Variants in CUL2 observed in about 807,000 individuals in gnomAD.
CUL2 encodes the protein cullin-2.
Under a neutral mutation model 110.2 loss-of-function variants are expected in CUL2, and 22 were observed. The ratio of observed to expected loss-of-function variants is 0.20; its 90% CI spans 0.14 to 0.28. CUL2 has a LOEUF of 0.28. CUL2 is among the 10% of genes least tolerant of loss of function. The probability of loss-of-function intolerance (pLI) is 1.00; values close to 1 mark genes in which losing one functional copy is unlikely to be tolerated. For synonymous variants in CUL2, 279 were observed against 293.2 expected, an observed-to-expected ratio of 0.95 and a Z score of 0.49; for missense variants, 631 against 905.5, an observed-to-expected ratio of 0.70 and a Z score of 3.89.
intron 14 of CUL2, among the ~76,000 whole-genome samples, chr10:35,030,050 C>A (rs2085442551): frequency 6.6e-6 from 1 of 152,142 alleles, no homozygotes; most frequent in Admixed American, 6.5e-5. Context: ...TTCATTGGAG[C>A]CATCATGGTG....
intron 1 of CUL2, among the ~76,000 whole-genome samples, chr10:35,125,625 T>C (rs1404884558): frequency 6.6e-6 from 1 of 152,236 alleles, no homozygotes. Flanking sequence ...TCTTAGAAAC[T>C]GGTTTTCAGT....
chr10:35,103,586 G>A (rs2087416654), intron 1 of CUL2, among the ~76,000 whole-genome samples: 1 of 151,964 alleles, frequency 6.6e-6, no homozygotes, highest in South Asian at 2.1e-4. Context: ...GCCTCCCAAA[G>A]TGCTGGGATT....
At chr10:35,037,293 C>T (rs143142909) in intron 9 of CUL2, among the ~76,000 whole-genome samples, 1 of 152,322 alleles carries the variant, frequency 6.6e-6, no homozygotes, top group Non-Finnish European at 1.5e-5. Flanking sequence ...CTTTTACCTG[C>T]CGCTCTGCAG....
chr10:35,030,313 T>C (rs1319152369), intron 14 of CUL2, among the ~76,000 whole-genome samples: 4 of 152,242 alleles, frequency 2.6e-5, no homozygotes, highest in African/African-American at 9.6e-5. Flanking sequence ...CAAAATTCTG[T>C]TGTTACCAGG....
At chr10:35,080,459 T>TTATG (rs1024859961) in intron 1 of CUL2, among the ~76,000 whole-genome samples, 9 of 148,928 alleles carry the variant, frequency 6.0e-5, no homozygotes, top group Middle Eastern at 3.4e-3. Flanking sequence ...ATTTATTTAT[T>TTATG]TATTTATTTA....
At chr10:35,098,224 A>G (rs1462459474) in intron 2 of CUL2, 1 of 152,214 alleles carries the variant, frequency 6.6e-6, no homozygotes, top group Non-Finnish European at 1.5e-5. Flanking sequence ...AGGTAATTTA[A>G]TAAGCTAAAA....
chr10:35,018,671 G>A (rs1377821656), intron 17 of CUL2, among the ~76,000 whole-genome samples: 2 of 149,862 alleles, frequency 1.3e-5, no homozygotes, highest in African/African-American at 4.9e-5. Flanking sequence ...GCTGAGGCAG[G>A]AGAATGGCTT....
chr10:35,117,528 CTTTT>C (rs5784440), intron 1 of CUL2, among the ~76,000 whole-genome samples: 4 of 138,330 alleles, frequency 2.9e-5, no homozygotes, highest in African/African-American at 5.3e-5. Context: ...CTGCAACTGG[CTTTT>C]TTTTTTTTTT....
At chr10:35,106,531 A>G (rs1225476518) in intron 1 of CUL2, among the ~76,000 whole-genome samples, 2 of 147,138 alleles carry the variant, frequency 1.4e-5, no homozygotes, top group East Asian at 4.0e-4. Flanking sequence ...ATGAGGTTTC[A>G]CCGTGTTAGC....
At chr10:35,115,154 C>T (rs924205087) in intron 1 of CUL2, among the ~76,000 whole-genome samples, 2 of 149,744 alleles carry the variant, frequency 1.3e-5, no homozygotes, top group Non-Finnish European at 3.0e-5. Flanking sequence ...AGGAGATTCT[C>T]TTGAACCCAG....
intron 1 of CUL2, chr10:35,074,446 C>G: frequency 1.7e-6 from 1 of 579,006 alleles, no homozygotes; most frequent in Non-Finnish European, 3.1e-6. Context: ...TTTTCCTTAG[C>G]TGCCCCCTCC....
chr10:35,043,693 A>C (rs10508815), intron 8 of CUL2, among the ~76,000 whole-genome samples: 55,227 of 152,068 alleles, frequency 0.36, 10,095 homozygotes, highest in African/African-American at 0.4. Context: ...ATTTGTATGA[A>C]CACTTTTTTC....
At chr10:35,125,730 AAGTT>A (rs2087766729) in intron 1 of CUL2, among the ~76,000 whole-genome samples, 2 of 152,250 alleles carry the variant, frequency 1.3e-5, no homozygotes, top group South Asian at 4.1e-4. Flanking sequence ...GACCTGCTGT[AAGTT>A]GTTTGGCTTA....
At chr10:35,078,744 T>C (rs2135028973) in intron 1 of CUL2, among the ~76,000 whole-genome samples, 1 of 152,330 alleles carries the variant, frequency 6.6e-6, no homozygotes, top group African/African-American at 2.4e-5. Context: ...CTTCTAAAAG[T>C]ATAATTATCA....
chr10:35,091,930 C>G (rs750680369), upstream of CUL2, among the ~76,000 whole-genome samples: 2 of 151,980 alleles, frequency 1.3e-5, no homozygotes, highest in African/African-American at 2.4e-5. Context: ...GTCAGGCCCC[C>G]CCTGCTTTTT....
intron 1 of CUL2, among the ~76,000 whole-genome samples, chr10:35,102,784 G>A (rs898078722): frequency 2.6e-5 from 4 of 151,516 alleles, no homozygotes; most frequent in African/African-American, 9.7e-5. Flanking sequence ...TCGGGAGGCT[G>A]AGGCAGGAGA....
intron 3 of CUL2, 54 bp downstream of exon 3, chr10:35,062,898 CAGTAAACT>C (rs1437074507): frequency 3.1e-6 from 3 of 969,968 alleles, no homozygotes; most frequent in East Asian, 4.9e-5. Context: ...CACTGGAAAA[CAGTAAACT>C]AGTAAAGTAT....
chr10:35,091,144 T>TA (rs1314018045), upstream of CUL2, among the ~76,000 whole-genome samples: 3 of 152,174 alleles, frequency 2.0e-5, no homozygotes, highest in African/African-American at 4.8e-5. Context: ...GTAAAGCTGA[T>TA]AAAAATATAG....
At chr10:35,118,634 T>C (rs2087636296) in intron 1 of CUL2, 2 of 152,232 alleles carry the variant, frequency 1.3e-5, no homozygotes, top group African/African-American at 4.8e-5. Context: ...TTCTACGTAT[T>C]GTTTTAGCAG....
Sources: allele counts gnomAD v4.1 joint callset (sites outside exome capture counted in the v4.1 genomes callset), GRCh38; gene constraint gnomAD v4.1.1; transcripts MANE v1.5; gene names NCBI Gene and HGNC (gene_info 2026-07-23, HGNC 2026-07-21).